The following FRMPD1 variants were observed in gnomAD, a reference collection of about 807,000 sequenced individuals.
The protein encoded by FRMPD1 is FERM and PDZ domain containing 1.
In FRMPD1, 76 loss-of-function variants were observed where a neutral mutation model predicts 117.8. The observed-to-expected ratio is 0.65, with a 90% CI of 0.54 to 0.78. FRMPD1 has a LOEUF of 0.78. Ranked by LOEUF, FRMPD1 falls within the 30% of genes least tolerant of loss-of-function variation. FRMPD1 has a pLI of 0.00. For synonymous variants in FRMPD1, 783 were observed against 770.4 expected (o/e 1.02, Z -0.27); for missense variants, 1,786 against 1,964.5 (o/e 0.91, Z 1.72).
intron 1 of FRMPD1, among the ~76,000 whole-genome samples, chr9:37,654,148 A>G (rs1173527801): frequency 6.6e-6 from 1 of 152,228 alleles, no homozygotes; most frequent in Non-Finnish European, 1.5e-5. Flanking sequence ...CAAGGTCTCT[A>G]CCTTCCTGGA....
chr9:37,630,966 C>T, the FRMPD1 span, among the ~76,000 whole-genome samples: 4 of 152,172 alleles, frequency 2.6e-5, no homozygotes, highest in Middle Eastern at 3.2e-3. Context: ...CCTCAAGGAG[C>T]ACACATTCTA....
In FRMPD1 at chr9:37,735,635, C is replaced by A; in HGVS notation, c.1302C>A (p.Ile434=). The change falls in exon 13 of 16, where the codon ATC becomes ATA. Residue 434 remains isoleucine (I), a synonymous_variant. Transcript: ENST00000377765. ...AGGTTATCAATAGCAAACTCAACAT[C>A]ATGTCCACATTGGCAGAGTTTGCAA... is the stretch of plus-strand genomic sequence containing the variant. ...ISQVINSKLN[I]MSTLAEFANI... 6.2e-7 allele frequency: 1 copy of A among 1,613,484 alleles called. No homozygotes were observed. The highest frequency in any genetic ancestry group is 8.5e-7 in the Non-Finnish European group (1 of 1,179,412).
chr9:37,702,007 C>A (rs1042203126), intron 2 of FRMPD1, among the ~76,000 whole-genome samples: 1 of 152,090 alleles, frequency 6.6e-6, no homozygotes, highest in Admixed American at 6.5e-5. Flanking sequence ...CTGGCTTGAG[C>A]AATTGTCATT....
At chr9:37,617,217 T>C in the FRMPD1 span, among the ~76,000 whole-genome samples, 11 of 151,538 alleles carry the variant, frequency 7.3e-5, no homozygotes, top group Non-Finnish European at 1.6e-4. Flanking sequence ...TAAACTTTTT[T>C]CCCTTTATGC....
At chr9:37,733,341 G>A (rs1224792808) in intron 10 of FRMPD1, 132 bp from the exon 11 acceptor site, 5 of 821,550 alleles carry the variant, frequency 6.1e-6, no homozygotes, top group Non-Finnish European at 9.9e-6. Context: ...AAGAAAAAGA[G>A]AGGAGGAGAA....
intron 5 of FRMPD1, among the ~76,000 whole-genome samples, 197 bp from the exon 6 acceptor site, chr9:37,718,872 G>A (rs1588954346): frequency 6.6e-6 from 1 of 152,118 alleles, no homozygotes; most frequent in East Asian, 1.9e-4. Flanking sequence ...ACTATTCTCA[G>A]GTACACGAGA....
Position 37,735,713 on chromosome 9 carries a change from AGT to A in FRMPD1, c.1383_1384del (p.Tyr462SerfsTer32). On this transcript the variant is annotated frameshift_variant, in exon 13 of 16. Coordinates refer to ENST00000377765, the MANE Select transcript of FRMPD1 (RefSeq NM_014907.3). LOFTEE classifies it high-confidence loss of function. The part of the protein sequence containing the change: ...EESEKVSVVK[V>X]YLQDVKVLTL... ...AGTCTGAGAAAGTGAGCGTCGTCAA[AGT>A]GTATCTTCAGGACGTCAAGGTAACA... is the stretch of plus-strand genomic sequence containing the variant. The A allele has an allele frequency of 6.2e-7, 1 of 1,613,654 alleles. No homozygotes were observed. Among genetic ancestry groups the A allele is most frequent in the Non-Finnish European group, 8.5e-7 (1 of 1,179,662 alleles).
chr9:37,666,011 C>G (rs993352386), intron 1 of FRMPD1, among the ~76,000 whole-genome samples: 31 of 152,138 alleles, frequency 2.0e-4, no homozygotes, highest in African/African-American at 7.5e-4. Context: ...TGCCTTTTGC[C>G]ATACATCTCC....
chr9:37,615,484 G>A, the FRMPD1 span, among the ~76,000 whole-genome samples: 1 of 152,076 alleles, frequency 6.6e-6, no homozygotes, highest in Admixed American at 6.6e-5. Context: ...TATTTTCAAT[G>A]AGATTTCATC....
intron 10 of FRMPD1, among the ~76,000 whole-genome samples, chr9:37,733,012 T>C (rs190497707): frequency 2.0e-4 from 31 of 152,286 alleles, no homozygotes; most frequent in Non-Finnish European, 2.9e-5. Flanking sequence ...AAGTCCAATC[T>C]CTCGCAGCAG....
chr9:37,625,826 C>A, the FRMPD1 span, among the ~76,000 whole-genome samples: 4 of 152,248 alleles, frequency 2.6e-5, no homozygotes, highest in African/African-American at 9.6e-5. Context: ...GTTTGCTCCT[C>A]CAGGCCCAGA....
chr9:37,682,335 A>G (rs1481105282), intron 1 of FRMPD1, among the ~76,000 whole-genome samples: 4 of 152,220 alleles, frequency 2.6e-5, no homozygotes, highest in African/African-American at 9.6e-5. Flanking sequence ...CCTTCCCCAA[A>G]TTGATCAAGA....
chr9:37,643,806 C>T, the FRMPD1 span, among the ~76,000 whole-genome samples: 1 of 152,072 alleles, frequency 6.6e-6, no homozygotes, highest in Admixed American at 6.5e-5. Context: ...TGATGCTTCT[C>T]CAGTGGCCTG....
At chr9:37,646,940 A>T (rs1824150682), upstream of FRMPD1, among the ~76,000 whole-genome samples, 1 of 152,162 alleles carries the variant, frequency 6.6e-6, no homozygotes, top group Admixed American at 6.5e-5. Context: ...TGCCATAGAG[A>T]AAGCAAACTT....
At chr9:37,662,984 GCTGT>G (rs1439932560) in intron 1 of FRMPD1, among the ~76,000 whole-genome samples, 1 of 152,158 alleles carries the variant, frequency 6.6e-6, no homozygotes, top group African/African-American at 2.4e-5. Context: ...AATTTTCCTA[GCTGT>G]CTGGGTGACA....
At chr9:37,701,698 A>T (rs964542836) in intron 2 of FRMPD1, among the ~76,000 whole-genome samples, 1 of 152,206 alleles carries the variant, frequency 6.6e-6, no homozygotes, top group Non-Finnish European at 1.5e-5. Context: ...CGGGAGCTGT[A>T]TTAAGCCATA....
rs899004907 is a variant in FRMPD1 at position 37,745,747 on chromosome 9, A to G, written c.3715A>G (p.Ile1239Val). The change falls in exon 16 of 16, where the codon ATA (isoleucine) becomes GTA (valine). Residue 1239 changes from isoleucine (I) to valine (V), a missense_variant. By Grantham distance (29) the Ile-to-Val change is conservative (BLOSUM62 3). Transcript: ENST00000377765. Reference sequence around the variant, plus strand: ...ACCTAACCATGTGACAGGGCAAGATATAGCCCCTAGGGACAGCCCTGAGTG... The same window carrying G: ...ACCTAACCATGTGACAGGGCAAGATGTAGCCCCTAGGGACAGCCCTGAGTG... Reference protein sequence around the residue: ...EAPNHVTGQDIAPRDSPEWVC... With the variant: ...EAPNHVTGQDVAPRDSPEWVC... 1 of 1,614,168 alleles carries G rather than the reference A, an allele frequency of 6.2e-7. No homozygotes were observed.
chr9:37,728,393 A>G (rs1233573843), intron 7 of FRMPD1, among the ~76,000 whole-genome samples: 1 of 152,232 alleles, frequency 6.6e-6, no homozygotes, highest in Non-Finnish European at 1.5e-5. Flanking sequence ...AAGCCTCTCT[A>G]AGAGGTGACA....
At chr9:37,632,601 A>G in the FRMPD1 span, among the ~76,000 whole-genome samples, 1 of 152,148 alleles carries the variant, frequency 6.6e-6, no homozygotes, top group African/African-American at 2.4e-5. Flanking sequence ...AAGCTTATGT[A>G]GTCTTCATAA....
Sources: allele counts gnomAD v4.1 joint callset (sites outside exome capture counted in the v4.1 genomes callset), GRCh38; gene constraint gnomAD v4.1.1; transcripts MANE v1.5; gene names NCBI Gene and HGNC (gene_info 2026-07-23, HGNC 2026-07-21).